The following LOXHD1 variants were observed in gnomAD, a reference collection of about 807,000 sequenced individuals.
LOXHD1 encodes lipoxygenase homology PLAT domains 1.
LOXHD1 carries 205 observed loss-of-function variants against 248.2 expected under a neutral mutation model. The observed-to-expected ratio is 0.83, with a 90% CI of 0.74 to 0.93. LOXHD1 has a LOEUF of 0.93. LOXHD1 is among the 40% of genes least tolerant of loss of function. The pLI is 0.00. For synonymous variants in LOXHD1, 1,113 were observed against 1,162.8 expected, an observed-to-expected ratio of 0.96 and a Z score of 0.87; for missense variants, 2,930 against 2,971.6, an observed-to-expected ratio of 0.99 and a Z score of 0.33.
At chr18:46,603,612 T>A (rs2038371168) in intron 7 of LOXHD1, among the ~76,000 whole-genome samples, 1 of 152,154 alleles carries the variant, frequency 6.6e-6, no homozygotes, top group African/African-American at 2.4e-5. Context: ...AAATCCTGAA[T>A]CTATCACTTG....
At chr18:46,538,057 A>G in intron 26 of LOXHD1, 99 bp downstream of exon 26, 1 of 1,102,182 alleles carries the variant, frequency 9.1e-7, no homozygotes, top group East Asian at 2.6e-5. Context: ...ATAGCAGTGC[A>G]TCAGGATGAA....
intron 37 of LOXHD1, among the ~76,000 whole-genome samples, chr18:46,503,091 T>C (rs147580707): frequency 1.3e-5 from 2 of 152,310 alleles, no homozygotes; most frequent in East Asian, 1.9e-4. Flanking sequence ...ATAAGCAGTT[T>C]TGAAGATAAA....
At chr18:46,587,744 G>A (rs997495187) in intron 12 of LOXHD1, among the ~76,000 whole-genome samples, 3 of 152,180 alleles carry the variant, frequency 2.0e-5, no homozygotes, top group Non-Finnish European at 4.4e-5. Context: ...TCAGTGGTGT[G>A]TAATCACTTC....
intron 4 of LOXHD1, among the ~76,000 whole-genome samples, chr18:46,634,625 T>C (rs2038869420): frequency 6.6e-6 from 1 of 152,068 alleles, no homozygotes; most frequent in Admixed American, 6.6e-5. Flanking sequence ...AATATCTCAG[T>C]AGGCCTATGC....
intron 34 of LOXHD1, among the ~76,000 whole-genome samples, chr18:46,514,518 G>T (rs1568121778): frequency 6.6e-6 from 1 of 152,216 alleles, no homozygotes; most frequent in Non-Finnish European, 1.5e-5. Flanking sequence ...AAGTGATAAA[G>T]ATGTGGAAGA....
intron 38 of LOXHD1, among the ~76,000 whole-genome samples, chr18:46,487,649 T>C (rs189632591): frequency 3.3e-5 from 5 of 152,310 alleles, no homozygotes; most frequent in Non-Finnish European, 7.4e-5. Context: ...AGCAGGGAGA[T>C]GCTCTCTTCC....
rs865786905 is a variant in LOXHD1, at chr18:46,559,749, C to T, written c.3062-147G>A. 23 of 944,906 alleles carry T rather than the reference C, an allele frequency of 2.4e-5. No individual in the cohort carries two copies. In the Middle Eastern group the frequency reaches 2.1e-3, roughly 87 times the overall value. The allele number at this position is 944,906 out of a possible 1,614,324, so 58.5% of individuals were successfully genotyped here. Reference sequence around the variant, plus strand: ...TAACCTGGGACTGAAACTGCCCACACTCCCAACCCAAGACTCCTTTACCAT... The same window carrying T: ...TAACCTGGGACTGAAACTGCCCACATTCCCAACCCAAGACTCCTTTACCAT... On this transcript the variant is annotated intron_variant, in intron 19 of 40. Transcript: ENST00000642948.
chr18:46,575,732 A>ATTATGT (rs1399026408), intron 14 of LOXHD1, among the ~76,000 whole-genome samples: 6 of 152,102 alleles, frequency 3.9e-5, no homozygotes, highest in Non-Finnish European at 8.8e-5. Context: ...ACTGTGAGAC[A>ATTATGT]TTATGTTTCT....
At chr18:46,534,629 G>A (rs773744643) in intron 26 of LOXHD1, among the ~76,000 whole-genome samples, 178 bp from the exon 27 acceptor site, 2 of 152,120 alleles carry the variant, frequency 1.3e-5, no homozygotes, top group Non-Finnish European at 2.9e-5. Flanking sequence ...CCATGCTTAT[G>A]CCTCATGTCC....
intron 12 of LOXHD1, among the ~76,000 whole-genome samples, chr18:46,584,123 C>T (rs1432308405): frequency 6.6e-6 from 1 of 151,820 alleles, no homozygotes; most frequent in Non-Finnish European, 1.5e-5. Flanking sequence ...AGTGATTTCA[C>T]CCATGTGGAA....
intron 21 of LOXHD1, among the ~76,000 whole-genome samples, chr18:46,550,543 G>A (rs965667528): frequency 3.6e-5 from 5 of 137,936 alleles, no homozygotes; most frequent in Non-Finnish European, 6.2e-5. Context: ...ACTGCAGTCC[G>A]CAGTCCGGCC....
At chr18:46,522,330 C>A (rs2035620563) in intron 31 of LOXHD1, 21 bp from the exon 32 acceptor site, 1 of 1,547,312 alleles carries the variant, frequency 6.5e-7, no homozygotes. Context: ...TCACGGGGCT[C>A]AGGTTCATAA....
At chr18:46,572,950 G>A (rs1234612965) in intron 14 of LOXHD1, among the ~76,000 whole-genome samples, 1 of 150,584 alleles carries the variant, frequency 6.6e-6, no homozygotes, top group Non-Finnish European at 1.5e-5. Context: ...GTGAACCCAG[G>A]AGGCGGAGCT....
chr18:46,538,658 G>A (rs1415758436), intron 25 of LOXHD1, among the ~76,000 whole-genome samples: 2 of 152,192 alleles, frequency 1.3e-5, no homozygotes, highest in African/African-American at 2.4e-5. Flanking sequence ...TGGAATCCCA[G>A]CTCTGTCTTG....
In LOXHD1 at chr18:46,566,142, C is replaced by A. The variant is rs895474969; in HGVS notation, c.2437+115G>T. On this transcript the variant is annotated intron_variant, in intron 17 of 40. Coordinates refer to ENST00000642948, the MANE Select transcript of LOXHD1 (RefSeq NM_001384474.1). ...AGCCCCCATTTTCTCCCTGCAGGACCCTACCAGCAGCACTTGTCAGCAAGA... is the reference window on the plus strand; with the variant it reads ...AGCCCCCATTTTCTCCCTGCAGGACACTACCAGCAGCACTTGTCAGCAAGA... 13 of 1,181,260 alleles carry A rather than the reference C, an allele frequency of 1.1e-5. No individual in the cohort carries two copies. The East Asian group carries it at 2.6e-4, about 24-fold the overall frequency. The allele number at this position is 1,181,260 out of a possible 1,614,324, so 73.2% of individuals were successfully genotyped here.
At chr18:46,613,533 A>G in intron 5 of LOXHD1, among the ~76,000 whole-genome samples, 1 of 152,218 alleles carries the variant, frequency 6.6e-6, no homozygotes, top group South Asian at 2.1e-4. Context: ...TTCAACCGTT[A>G]TAGCTTTTAT....
Position 46,560,261 on chromosome 18 carries a change from C to G in LOXHD1, c.2883G>C (p.Glu961Asp). ...TCTCCTCCTCCTCTGACGAGGACTC[C>G]TCTGATGAGGACGACTCCTCTTCCT... ...EGEEEESSSS[E>D]ESSSEEEEME... is the part of the protein sequence containing the mutation. The change falls in exon 19 of 41, where the codon GAG (glutamate) becomes GAC (aspartate). Residue 961 changes from glutamate (E) to aspartate (D), a missense_variant. Physicochemically the swap from Glu to Asp is conservative, Grantham distance 45 (BLOSUM62 2). Transcript: ENST00000642948. 5.2e-6 allele frequency: 8 copies of G among 1,551,676 alleles called. No individual in the cohort carries two copies. The highest frequency in any genetic ancestry group is 7.0e-6 in the Non-Finnish European group (8 of 1,146,754).
intron 40 of LOXHD1, 35 bp from the exon 41 acceptor site, chr18:46,477,987 C>A: frequency 6.5e-7 from 1 of 1,526,862 alleles, no homozygotes. Flanking sequence ...GGGGTAGGGG[C>A]TAAGCAGACC....
At position 46,489,024 on chromosome 18, in the gene LOXHD1, G is replaced by C. The variant is rs1453366870; in HGVS notation, c.5997C>G (p.Val1999=). ...LSKSEGDGQT[V]RDFACANNKI... ...TGTTGTTGGCACAGGCAAAGTCGCGGACCGTCTGCCCGTCACCCTCACTCT... is the reference window on the plus strand; with the variant it reads ...TGTTGTTGGCACAGGCAAAGTCGCGCACCGTCTGCCCGTCACCCTCACTCT... Residue 1999 remains valine (V), a synonymous_variant, in exon 38 of 41, where the codon GTC becomes GTG. Transcript: ENST00000642948. 3 of 1,551,678 alleles carry C rather than the reference G, an allele frequency of 1.9e-6. No homozygotes were observed. Among genetic ancestry groups the C allele is most frequent in the Non-Finnish European group, 1.7e-6 (2 of 1,146,994 alleles).
Sources: allele counts gnomAD v4.1 joint callset (sites outside exome capture counted in the v4.1 genomes callset), GRCh38; gene constraint gnomAD v4.1.1; transcripts MANE v1.5; gene names NCBI Gene and HGNC (gene_info 2026-07-23, HGNC 2026-07-21).